Variants in ANTXR1 observed in about 807,000 individuals in gnomAD.
ANTXR1 encodes anthrax toxin receptor 1.
ANTXR1 carries 19 observed loss-of-function variants against 78.1 expected under a neutral mutation model. The ratio of observed to expected loss-of-function variants is 0.24; its 90% CI spans 0.17 to 0.36. The LOEUF is 0.36. Among genes scored for constraint, ANTXR1 ranks in the 10% least tolerant of loss-of-function variants. The pLI is 1.00. For synonymous variants in ANTXR1, 273 were observed against 260.5 expected (o/e 1.05, Z -0.46); for missense variants, 518 against 718.6 (o/e 0.72, Z 3.19).
chr2:69,222,478 G>A (rs947863980), intron 17 of ANTXR1, among the ~76,000 whole-genome samples: 1 of 152,210 alleles, frequency 6.6e-6, no homozygotes, highest in Non-Finnish European at 1.5e-5. Context: ...CAGCAAAGTT[G>A]TAGTTAGTCA....
At chr2:69,233,369 G>T (rs990688327) in intron 17 of ANTXR1, among the ~76,000 whole-genome samples, 5 of 151,658 alleles carry the variant, frequency 3.3e-5, no homozygotes, top group African/African-American at 1.2e-4. Flanking sequence ...AAATCAAAGA[G>T]AATTAATTTC....
At chr2:69,199,303 G>A (rs1396413053) in intron 17 of ANTXR1, among the ~76,000 whole-genome samples, 1 of 152,062 alleles carries the variant, frequency 6.6e-6, no homozygotes, top group Non-Finnish European at 1.5e-5. Context: ...GCTGGTCTGG[G>A]GATTACACTT....
At chr2:69,208,176 G>A (rs551391987) in intron 17 of ANTXR1, among the ~76,000 whole-genome samples, 96 of 152,344 alleles carry the variant, frequency 6.3e-4, no homozygotes, top group African/African-American at 2.2e-3. Flanking sequence ...TGGAGGTGGG[G>A]TTTTGCTGGG....
intron 1 of ANTXR1, among the ~76,000 whole-genome samples, chr2:69,035,813 T>A (rs1395200286): frequency 6.6e-6 from 1 of 152,248 alleles, no homozygotes; most frequent in Non-Finnish European, 1.5e-5. Flanking sequence ...TTCAGAAAAT[T>A]CAGCTTTTGC....
At position 69,013,544 on chromosome 2, in the gene ANTXR1, G is replaced by T; in HGVS notation, c.45G>T (p.Trp15Cys). The change falls in exon 1 of 18, where the codon TGG becomes TGT. Residue 15 changes from tryptophan (W) to cysteine (C), a missense_variant. Physicochemically the swap from Trp to Cys is radical, Grantham distance 215. Coordinates refer to ENST00000303714, the MANE Select transcript of ANTXR1 (RefSeq NM_032208.3). The surrounding 1 kb of genome is among the most constrained non-coding windows in gnomAD (Gnocchi z 5.0). ...GAGCCCTCGGCATCGGCTTCCAGTG[G>T]CTCTCTTTGGCCACTCTGGTGCTCA... ...ERRALGIGFQ[W>C]LSLATLVLIC... 6.3e-7 allele frequency: 1 copy of T among 1,581,924 alleles called. No homozygotes were observed. The highest frequency in any genetic ancestry group is 8.6e-7 in the Non-Finnish European group (1 of 1,165,174).
chr2:69,224,470 AC>A (rs1675393812), intron 17 of ANTXR1, among the ~76,000 whole-genome samples: 1 of 151,888 alleles, frequency 6.6e-6, no homozygotes, highest in African/African-American at 2.4e-5. Context: ...TAGTTTTATC[AC>A]CCTTTTTCCT....
chr2:69,086,161 TAAAGCAAGAAGC>T (rs1671043341), intron 8 of ANTXR1, among the ~76,000 whole-genome samples: 1 of 152,222 alleles, frequency 6.6e-6, no homozygotes, highest in African/African-American at 2.4e-5. Flanking sequence ...GGTTGTTTAT[TAAAGCAAGAAGC>T]AGAGCAAGTA....
At chr2:69,199,658 C>T (rs563477362) in intron 17 of ANTXR1, among the ~76,000 whole-genome samples, 46 of 152,160 alleles carry the variant, frequency 3.0e-4, no homozygotes, top group African/African-American at 9.9e-4. Context: ...TTTCAAGGTC[C>T]CCCCCTAAAG....
chr2:69,132,553 A>G (rs1672782201), intron 12 of ANTXR1, among the ~76,000 whole-genome samples: 1 of 152,238 alleles, frequency 6.6e-6, no homozygotes, highest in African/African-American at 2.4e-5. Context: ...GCCTGTGCTG[A>G]GTGGCAATCT....
intron 9 of ANTXR1, among the ~76,000 whole-genome samples, chr2:69,101,625 T>C (rs900399658): frequency 6.6e-6 from 1 of 152,250 alleles, no homozygotes; most frequent in Non-Finnish European, 1.5e-5. Context: ...AGGTGGCATA[T>C]ACTCATGACA....
At chr2:69,106,163 G>C (rs2104330392) in intron 10 of ANTXR1, among the ~76,000 whole-genome samples, 1 of 152,304 alleles carries the variant, frequency 6.6e-6, no homozygotes, top group Non-Finnish European at 1.5e-5. Flanking sequence ...AATGCCAAAA[G>C]TAGAAATTGT....
intron 17 of ANTXR1, among the ~76,000 whole-genome samples, chr2:69,209,233 T>C (rs1025676256): frequency 3.3e-5 from 5 of 152,228 alleles, no homozygotes; most frequent in Admixed American, 3.3e-4. Flanking sequence ...AATATTATCC[T>C]CACTTTACAA....
chr2:69,243,810 C>A (rs1340324177), intron 17 of ANTXR1, among the ~76,000 whole-genome samples: 1 of 152,210 alleles, frequency 6.6e-6, no homozygotes, highest in Non-Finnish European at 1.5e-5. Flanking sequence ...CAATTCCACA[C>A]CCCAGCCCCA....
At chr2:69,131,453 C>G (rs1334946108) in intron 12 of ANTXR1, among the ~76,000 whole-genome samples, 1 of 152,178 alleles carries the variant, frequency 6.6e-6, no homozygotes, top group East Asian at 1.9e-4. Context: ...CACAGGAAGG[C>G]GGGCCTCCGG....
chr2:69,064,706 A>G (rs1443093229), intron 3 of ANTXR1, among the ~76,000 whole-genome samples: 1 of 152,264 alleles, frequency 6.6e-6, no homozygotes. Context: ...AATGGATATT[A>G]GACAAAGCTG....
intron 12 of ANTXR1, among the ~76,000 whole-genome samples, chr2:69,140,120 T>A (rs1181066974): frequency 6.6e-6 from 1 of 152,156 alleles, no homozygotes; most frequent in East Asian, 1.9e-4. Flanking sequence ...GTAAGTAACA[T>A]GAAATGTCAT....
intron 9 of ANTXR1, among the ~76,000 whole-genome samples, chr2:69,101,124 T>C (rs992386877): frequency 3.9e-4 from 60 of 152,360 alleles, no homozygotes; most frequent in African/African-American, 1.4e-3. Flanking sequence ...TTCTAACTTA[T>C]ACTCCTTGTG....
At chr2:69,203,065 T>G (rs566474092) in intron 17 of ANTXR1, among the ~76,000 whole-genome samples, 6 of 132,312 alleles carry the variant, frequency 4.5e-5, no homozygotes, top group South Asian at 5.5e-4. Flanking sequence ...AAGTCGTTTT[T>G]CTTGCACAAT....
chr2:69,102,870 C>T lies in ANTXR1; in HGVS notation c.732C>T (p.Asn244=). The T allele has an allele frequency of 4.3e-6, 7 of 1,614,104 alleles. No individual in the cohort carries two copies. Among genetic ancestry groups the T allele is most frequent in the Non-Finnish European group, 5.9e-6 (7 of 1,180,014 alleles). Residue 244 remains asparagine, a synonymous_variant, in exon 10 of 18, where the codon AAC becomes AAT. Transcript: ENST00000303714. The part of the protein sequence containing the change: ...GESFQVVVRG[N]GFRHARNVDR... ...CATTTCAAGTTGTCGTGAGAGGAAA[C>T]GGCTTCCGACATGCCCGCAACGTGG...
Sources: allele counts gnomAD v4.1 joint callset (sites outside exome capture counted in the v4.1 genomes callset), GRCh38; gene constraint gnomAD v4.1.1; non-coding constraint Gnocchi (gnomAD v3.1); transcripts MANE v1.5; gene names NCBI Gene and HGNC (gene_info 2026-07-23, HGNC 2026-07-21).